The following PTPRK variants were observed in gnomAD, a reference collection of about 807,000 sequenced individuals.
The protein encoded by PTPRK is receptor-type tyrosine-protein phosphatase kappa.
A neutral mutation model predicts 178.0 loss-of-function variants in PTPRK; 75 were observed. The observed-to-expected ratio is 0.42, with a 90% CI of 0.35 to 0.51. The LOEUF (loss-of-function observed/expected upper bound fraction) is 0.51, where lower values mean the gene tolerates loss of function less well. Among genes scored for constraint, PTPRK ranks in the 20% least tolerant of loss-of-function variants. PTPRK has a pLI of 0.02. For synonymous variants in PTPRK, 637 were observed against 620.6 expected (o/e 1.03, Z -0.39); for missense variants, 1,441 against 1,797.8 (o/e 0.80, Z 3.59).
At chr6:128,379,921 G>A (rs1837639952) in intron 2 of PTPRK, among the ~76,000 whole-genome samples, 1 of 151,824 alleles carries the variant, frequency 6.6e-6, no homozygotes, top group Non-Finnish European at 1.5e-5. Context: ...TTGTTGGTTT[G>A]TTTTTACTTA....
intron 13 of PTPRK, among the ~76,000 whole-genome samples, chr6:128,031,828 C>T (rs1184011644): frequency 6.6e-6 from 1 of 151,072 alleles, no homozygotes; most frequent in Non-Finnish European, 1.5e-5. Flanking sequence ...AGATGCACTG[C>T]CTCCTACACT....
intron 1 of PTPRK, among the ~76,000 whole-genome samples, chr6:128,420,108 T>C (rs1429282268): frequency 2.6e-5 from 4 of 152,232 alleles, no homozygotes; most frequent in Non-Finnish European, 5.9e-5. Flanking sequence ...TTTTCGAGTG[T>C]ATTCAGCCTA....
intron 1 of PTPRK, among the ~76,000 whole-genome samples, chr6:128,469,609 A>C (rs1850343496): frequency 6.6e-6 from 1 of 152,180 alleles, no homozygotes; most frequent in Non-Finnish European, 1.5e-5. Context: ...TTTAGATTAG[A>C]CTTGTGGTAG....
intron 5 of PTPRK, among the ~76,000 whole-genome samples, chr6:128,221,592 C>T (rs1810429009): frequency 6.6e-6 from 1 of 151,226 alleles, no homozygotes; most frequent in African/African-American, 2.4e-5. Flanking sequence ...CTTTAAATAC[C>T]TTTCTCCATA....
At position 128,067,688 on chromosome 6, in the gene PTPRK, C is replaced by T; in HGVS notation, c.1988G>A (p.Ser663Asn). The change falls in exon 12 of 30, where the codon AGT becomes AAT. Residue 663 changes from serine to asparagine, a missense_variant. This residue lies in a region of PTPRK where 945 missense variants were observed against 1,080.6 expected (regional missense o/e 0.87). Coordinates refer to ENST00000368226, the MANE Select transcript of PTPRK (RefSeq NM_002844.4). ...QVPVTYQNAM[S>N]GGAPYYFAAE... ...AGCAAAGTAATACGGTGCACCCCCA[C>T]TCATGGCATTTTGGTATGTGACAGG... is the stretch of plus-strand genomic sequence containing the variant. 3 of 1,613,828 alleles carry T rather than the reference C, an allele frequency of 1.9e-6. No homozygotes were observed. The highest frequency in any genetic ancestry group is 2.5e-6 in the Non-Finnish European group (3 of 1,179,810).
intron 7 of PTPRK, among the ~76,000 whole-genome samples, chr6:128,167,258 C>A (rs964419277): frequency 6.6e-6 from 1 of 151,734 alleles, no homozygotes; most frequent in Non-Finnish European, 1.5e-5. Context: ...ATTAACACAG[C>A]GTTTGCTGGC....
intron 15 of PTPRK, among the ~76,000 whole-genome samples, chr6:128,003,755 T>C (rs953569517): frequency 6.6e-6 from 1 of 151,880 alleles, no homozygotes; most frequent in Non-Finnish European, 1.5e-5. Context: ...AATTAAGTAG[T>C]TAAAGAGATG....
At chr6:128,429,284 T>C (rs1476472848) in intron 1 of PTPRK, among the ~76,000 whole-genome samples, 3 of 152,306 alleles carry the variant, frequency 2.0e-5, no homozygotes, top group South Asian at 2.1e-4. Context: ...TCAAAGTAGA[T>C]AATTAATGTG....
chr6:128,387,622 G>A (rs1395325896), intron 2 of PTPRK, among the ~76,000 whole-genome samples: 2 of 152,020 alleles, frequency 1.3e-5, no homozygotes, highest in Non-Finnish European at 2.9e-5. Flanking sequence ...CATACACAGT[G>A]TATAACACTT....
At chr6:128,316,490 G>A (rs1054626824) in intron 3 of PTPRK, among the ~76,000 whole-genome samples, 4 of 152,148 alleles carry the variant, frequency 2.6e-5, no homozygotes, top group Admixed American at 1.3e-4. Flanking sequence ...AGGTATGACT[G>A]AGCAGAATGA....
chr6:128,050,657 A>G (rs762411550), intron 13 of PTPRK, among the ~76,000 whole-genome samples: 11 of 152,192 alleles, frequency 7.2e-5, no homozygotes, highest in Admixed American at 2.0e-4. Flanking sequence ...GCTGGCTGCC[A>G]CCAGAGATAC....
chr6:128,344,390 A>G (rs1055356366), intron 2 of PTPRK, among the ~76,000 whole-genome samples: 1 of 152,180 alleles, frequency 6.6e-6, no homozygotes, highest in Admixed American at 6.5e-5. Flanking sequence ...TTCGCTAACA[A>G]TTGGAGATCT....
At chr6:128,019,489 CAAAT>C (rs751374461) in intron 13 of PTPRK, among the ~76,000 whole-genome samples, 3 of 149,260 alleles carry the variant, frequency 2.0e-5, no homozygotes, top group South Asian at 2.1e-4. Context: ...AATGGATAGA[CAAAT>C]GAATGGAATC....
chr6:127,980,882 T>C (rs1775268080), intron 25 of PTPRK, among the ~76,000 whole-genome samples: 1 of 152,156 alleles, frequency 6.6e-6, no homozygotes, highest in Admixed American at 6.5e-5. Context: ...TACATGAATA[T>C]AATAATTGAC....
At chr6:128,039,775 G>T (rs1037908352) in intron 13 of PTPRK, among the ~76,000 whole-genome samples, 34 of 152,108 alleles carry the variant, frequency 2.2e-4, no homozygotes, top group African/African-American at 7.5e-4. Context: ...CATAGTAACT[G>T]CATACAGGTG....
At chr6:128,187,427 T>C (rs953199419) in intron 6 of PTPRK, among the ~76,000 whole-genome samples, 2 of 152,158 alleles carry the variant, frequency 1.3e-5, no homozygotes, top group Non-Finnish European at 2.9e-5. Context: ...ATCTTAAATA[T>C]GTTATTTAAC....
intron 5 of PTPRK, among the ~76,000 whole-genome samples, chr6:128,221,532 A>T (rs867642322): frequency 0.016 from 2,490 of 151,110 alleles, 36 homozygotes; most frequent in African/African-American, 0.039. Flanking sequence ...TCAAAAAAAA[A>T]AAAAATAATA....
At chr6:128,384,891 T>C (rs1232021269) in intron 2 of PTPRK, among the ~76,000 whole-genome samples, 1 of 151,718 alleles carries the variant, frequency 6.6e-6, no homozygotes, top group Non-Finnish European at 1.5e-5. Flanking sequence ...ACAAAAATTA[T>C]TCCTAATTTC....
chr6:128,475,917 T>C lies in PTPRK; in HGVS notation c.100+44342A>G, dbSNP rs148693936. 4.6e-3 allele frequency among the ~76,000 whole-genome samples: 693 copies of C among 152,178 alleles called. 6 individuals are homozygous for C. Among genetic ancestry groups the C allele is most frequent in the Non-Finnish European group, 7.5e-3 (511 of 67,962 alleles). The stretch of plus-strand genomic sequence containing the variant: ...TATACACGATGTTCAGTGTCAAGTA[T>C]TTGTGCAGTATTTAATACTGACACT... On this transcript the variant is annotated intron_variant, in intron 1 of 29. Transcript: ENST00000368226.
Sources: allele counts gnomAD v4.1 joint callset (sites outside exome capture counted in the v4.1 genomes callset), GRCh38; gene constraint gnomAD v4.1.1; regional missense constraint gnomAD v4.1.1; transcripts MANE v1.5; gene names NCBI Gene and HGNC (gene_info 2026-07-23, HGNC 2026-07-21).